PTH2R: variants seen among roughly 807,000 people sequenced by gnomAD.
PTH2R encodes the protein PTH2 receptor.
PTH2R carries 59 observed loss-of-function variants against 60.3 expected under a neutral mutation model. The observed-to-expected ratio is 0.98, with a 90% confidence interval of 0.79 to 1.22. The LOEUF (loss-of-function observed/expected upper bound fraction) is 1.22. Among genes scored for constraint, PTH2R ranks in the 50% most tolerant of loss-of-function variants. The pLI is 0.00. For missense variants in PTH2R, 749 were observed against 682.6 expected (o/e 1.10, Z -1.08); for synonymous variants, 256 against 243.8 (o/e 1.05, Z -0.47).
chr2:208,488,541 CTG>C (rs1703324655), intron 10 of PTH2R, among the ~76,000 whole-genome samples: 1 of 151,966 alleles, frequency 6.6e-6, no homozygotes, highest in Admixed American at 6.6e-5. Context: ...GGAAATAAGA[CTG>C]GAGAGATTTA....
intron 1 of PTH2R, among the ~76,000 whole-genome samples, chr2:208,391,063 C>A (rs1701099928): frequency 6.6e-6 from 1 of 152,134 alleles, no homozygotes; most frequent in African/African-American, 2.4e-5. Flanking sequence ...CGGTGTAAGG[C>A]CCTTCCCAGC....
chr2:208,416,040 TGGC>T (rs1701633807), intron 1 of PTH2R, among the ~76,000 whole-genome samples: 1 of 152,196 alleles, frequency 6.6e-6, no homozygotes, highest in Non-Finnish European at 1.5e-5. Flanking sequence ...GGGTTTTCCT[TGGC>T]CCTTGATGAG....
At chr2:208,441,417 C>G (rs925537326) in intron 4 of PTH2R, among the ~76,000 whole-genome samples, 1 of 152,146 alleles carries the variant, frequency 6.6e-6, no homozygotes, top group African/African-American at 2.4e-5. Context: ...CTCTTTATAT[C>G]CCATTTTCTT....
upstream of PTH2R, among the ~76,000 whole-genome samples, chr2:208,405,105 T>C (rs1490163731): frequency 6.6e-6 from 1 of 152,224 alleles, no homozygotes; most frequent in Non-Finnish European, 1.5e-5. Context: ...CTTCAAAATA[T>C]CTTTCCCATT....
chr2:208,396,919 A>G (rs950995352), intron 1 of PTH2R, among the ~76,000 whole-genome samples: 3 of 152,224 alleles, frequency 2.0e-5, no homozygotes, highest in Admixed American at 6.5e-5. Flanking sequence ...ATGTCCATCA[A>G]TGATAGACTG....
At chr2:208,455,574 T>C (rs2105883653) in intron 8 of PTH2R, among the ~76,000 whole-genome samples, 1 of 152,360 alleles carries the variant, frequency 6.6e-6, no homozygotes, top group African/African-American at 2.4e-5. Flanking sequence ...ATTTTGCCTG[T>C]AAACATAAAC....
intron 1 of PTH2R, among the ~76,000 whole-genome samples, chr2:208,383,517 T>C (rs980700717): frequency 2.0e-5 from 3 of 152,240 alleles, no homozygotes. Flanking sequence ...ATAAGCTTCT[T>C]GAAAACTCAT....
intron 1 of PTH2R, among the ~76,000 whole-genome samples, chr2:208,419,391 T>G (rs545861085): frequency 0.033 from 5,047 of 152,278 alleles, 257 homozygotes; most frequent in African/African-American, 0.11. Context: ...TCTTGTAAAT[T>G]TGTTTGAGTT....
chr2:208,449,464 T>TAGATAGAC (rs906565691), intron 7 of PTH2R, among the ~76,000 whole-genome samples: 2 of 152,022 alleles, frequency 1.3e-5, no homozygotes, highest in East Asian at 3.9e-4. Flanking sequence ...AATAGATAGA[T>TAGATAGAC]AGATAGATAG....
chr2:208,405,268 G>GA (rs1478883663), upstream of PTH2R, among the ~76,000 whole-genome samples: 1 of 151,926 alleles, frequency 6.6e-6, no homozygotes, highest in African/African-American at 2.4e-5. Flanking sequence ...AAAAGAACTA[G>GA]AAAAAAGATC....
intron 10 of PTH2R, among the ~76,000 whole-genome samples, chr2:208,483,010 G>T (rs1249480759): frequency 1.3e-5 from 2 of 152,160 alleles, no homozygotes; most frequent in Admixed American, 1.3e-4. Flanking sequence ...ACATAATCCT[G>T]CATGCAACTT....
chr2:208,434,930 C>T (rs1008878289), intron 2 of PTH2R, among the ~76,000 whole-genome samples: 21 of 152,184 alleles, frequency 1.4e-4, no homozygotes, highest in African/African-American at 4.8e-4. Flanking sequence ...TGGGCTCCTG[C>T]CTTGCCTGTG....
intron 2 of PTH2R, among the ~76,000 whole-genome samples, chr2:208,431,692 T>G (rs1701974267): frequency 6.6e-6 from 1 of 152,192 alleles, no homozygotes; most frequent in South Asian, 2.1e-4. Context: ...ACCCACTTAG[T>G]GGGAGAAGTA....
chr2:208,442,169 G>C (rs1702197944), intron 4 of PTH2R, among the ~76,000 whole-genome samples, 195 bp from the exon 5 acceptor site: 1 of 152,026 alleles, frequency 6.6e-6, no homozygotes, highest in African/African-American at 2.4e-5. Flanking sequence ...GACTAGCAAG[G>C]GGCACAAATG....
intron 10 of PTH2R, among the ~76,000 whole-genome samples, chr2:208,487,887 G>C (rs921920682): frequency 1.6e-4 from 25 of 152,206 alleles, no homozygotes; most frequent in Admixed American, 3.3e-4. Flanking sequence ...CCAAGCAAGA[G>C]AGCCAGTCTG....
At chr2:208,375,718 C>T (rs2125872831) in intron 1 of PTH2R, among the ~76,000 whole-genome samples, 1 of 152,126 alleles carries the variant, frequency 6.6e-6, no homozygotes, top group Middle Eastern at 3.4e-3. Context: ...TTGGATGATG[C>T]CTATGAATCT....
At chr2:208,443,260 G>T (rs927057359) in intron 5 of PTH2R, 88 bp from the exon 6 acceptor site, 7 of 1,160,954 alleles carry the variant, frequency 6.0e-6, no homozygotes, top group African/African-American at 1.6e-5. Context: ...AGGGGAGCAG[G>T]CTGGTTGGTG....
chr2:208,428,875 G>C (rs745355308), intron 2 of PTH2R, among the ~76,000 whole-genome samples: 1 of 152,074 alleles, frequency 6.6e-6, no homozygotes, highest in Admixed American at 6.5e-5. Flanking sequence ...ACCTGAGGTC[G>C]GGAGCTCCAG....
At chr2:208,485,884 A>G (rs999988676) in intron 10 of PTH2R, among the ~76,000 whole-genome samples, 2 of 152,186 alleles carry the variant, frequency 1.3e-5, no homozygotes, top group African/African-American at 4.8e-5. Context: ...ATAAGATTCC[A>G]TCCTGTGAGC....
Sources: gnomAD v4.1 joint callset for allele counts (sites outside exome capture counted in the v4.1 genomes callset) on GRCh38, gnomAD v4.1.1 for gene constraint, MANE v1.5 for transcripts, NCBI Gene and HGNC (gene_info 2026-07-23, HGNC 2026-07-21) for gene names.